The following SLC30A8 variants were observed in gnomAD, a reference collection of about 807,000 sequenced individuals.
The protein encoded by SLC30A8 is solute carrier family 30 member 8.
In SLC30A8, 27 loss-of-function variants were observed where a neutral mutation model predicts 36.9. The ratio of observed to expected loss-of-function variants is 0.73; its 90% CI spans 0.54 to 1.01. SLC30A8 has a LOEUF of 1.01. SLC30A8 is among the 50% of genes least tolerant of loss of function. The pLI is 0.00. For missense variants in SLC30A8, 439 were observed against 452.0 expected, an observed-to-expected ratio of 0.97 and a Z score of 0.26; for synonymous variants, 164 against 172.4, an observed-to-expected ratio of 0.95 and a Z score of 0.38.
At chr8:117,113,777 A>G (rs984616383) in intron 2 of SLC30A8, among the ~76,000 whole-genome samples, 1 of 152,074 alleles carries the variant, frequency 6.6e-6, no homozygotes, top group Non-Finnish European at 1.5e-5. Flanking sequence ...ACTTGGAAAA[A>G]CTTTGGGGTA....
chr8:117,015,838 A>G (rs1816499815), intron 1 of SLC30A8, among the ~76,000 whole-genome samples: 1 of 152,130 alleles, frequency 6.6e-6, no homozygotes, highest in African/African-American at 2.4e-5. Context: ...GTTATGCTTT[A>G]TTTCACTGGT....
intron 1 of SLC30A8, among the ~76,000 whole-genome samples, chr8:117,006,483 GACCCT>G (rs1484107240): frequency 1.3e-5 from 2 of 152,134 alleles, no homozygotes; most frequent in Non-Finnish European, 2.9e-5. Flanking sequence ...TTCCCCAGAA[GACCCT>G]TGTAGACTTT....
intron 1 of SLC30A8, among the ~76,000 whole-genome samples, chr8:117,143,107 C>T (rs1461271346): frequency 1.3e-5 from 2 of 151,282 alleles, no homozygotes; most frequent in Non-Finnish European, 2.9e-5. Context: ...TAAAAAAATA[C>T]AAATTTTACC....
At chr8:117,046,937 GA>G (rs1817571178) in intron 2 of SLC30A8, among the ~76,000 whole-genome samples, 1 of 152,176 alleles carries the variant, frequency 6.6e-6, no homozygotes, top group South Asian at 2.1e-4. Context: ...ATTCCAAAGA[GA>G]AGAATTTGAT....
chr8:117,069,618 T>C lies in SLC30A8; in HGVS notation c.-226+30360T>C, dbSNP rs928279451. ...AGTATTTTGAAGTTTTGAATCAAGT[T>C]AACAAACTTAAATACATTTTATTAT... On this transcript the variant is annotated intron_variant, in intron 2 of 10. Transcript: ENST00000427715. Among the ~76,000 whole-genome samples, 7 of 152,244 alleles carry C rather than the reference T, an allele frequency of 4.6e-5. 2 individuals carry two copies. In the South Asian group the frequency reaches 1.4e-3, roughly 31 times the overall value.
chr8:116,950,262 A>AAGGGCTGCG (rs1450394034), upstream of SLC30A8: 2 of 167,300 alleles, frequency 1.2e-5, no homozygotes, highest in Non-Finnish European at 2.5e-5. Context: ...GAGAGCGAGC[A>AAGGGCTGCG]AGGGCTGCGA....
intron 2 of SLC30A8, among the ~76,000 whole-genome samples, chr8:117,065,522 G>A (rs747737622): frequency 1.3e-5 from 2 of 152,114 alleles, no homozygotes; most frequent in Non-Finnish European, 2.9e-5. Flanking sequence ...AGCAGTAGGA[G>A]CATATAGCCA....
At chr8:117,160,633 A>G (rs773562833) in intron 4 of SLC30A8, among the ~76,000 whole-genome samples, 1 of 152,210 alleles carries the variant, frequency 6.6e-6, no homozygotes, top group Non-Finnish European at 1.5e-5. Context: ...AAAAGAATGA[A>G]TGACAACGTG....
intron 2 of SLC30A8, among the ~76,000 whole-genome samples, chr8:117,149,828 C>T (rs553273770): frequency 5.0e-4 from 76 of 152,164 alleles, no homozygotes; most frequent in African/African-American, 1.7e-3. Context: ...TTTTTCAGCC[C>T]GCTTATTTCA....
intron 1 of SLC30A8, among the ~76,000 whole-genome samples, chr8:116,953,801 G>T (rs565269559): frequency 2.2e-4 from 34 of 152,192 alleles, no homozygotes; most frequent in Admixed American, 1.4e-3. Context: ...TTTAATCAAA[G>T]ATGAAATCTG....
At chr8:117,084,102 T>C (rs764863149) in intron 2 of SLC30A8, among the ~76,000 whole-genome samples, 4 of 152,172 alleles carry the variant, frequency 2.6e-5, no homozygotes, top group Non-Finnish European at 2.9e-5. Flanking sequence ...TGGATCTATT[T>C]AATAGATGAG....
At chr8:117,154,503 T>C (rs2130989840) in intron 3 of SLC30A8, among the ~76,000 whole-genome samples, 1 of 152,334 alleles carries the variant, frequency 6.6e-6, no homozygotes, top group East Asian at 1.9e-4. Context: ...ACTGCGGCTT[T>C]TCAAGTTTAG....
chr8:116,977,234 C>T (rs567672488), intron 1 of SLC30A8, among the ~76,000 whole-genome samples: 32 of 145,728 alleles, frequency 2.2e-4, no homozygotes, highest in Middle Eastern at 3.6e-3. Flanking sequence ...CTGCAAGCTC[C>T]GCCTCCTGGG....
chr8:116,982,293 C>T (rs1815294149), intron 1 of SLC30A8, among the ~76,000 whole-genome samples: 2 of 151,844 alleles, frequency 1.3e-5, no homozygotes, highest in Non-Finnish European at 2.9e-5. Flanking sequence ...CTAACAATGC[C>T]ACTATGAATA....
chr8:116,976,282 A>C, intron 1 of SLC30A8, among the ~76,000 whole-genome samples: 1 of 146,250 alleles, frequency 6.8e-6, no homozygotes, highest in Non-Finnish European at 1.5e-5. Flanking sequence ...AAATGCTCCC[A>C]CCCATGACCT....
intron 1 of SLC30A8, among the ~76,000 whole-genome samples, chr8:117,141,661 C>T (rs768064850): frequency 3.3e-5 from 5 of 152,138 alleles, no homozygotes; most frequent in Non-Finnish European, 7.4e-5. Flanking sequence ...GCAGTGTACA[C>T]TGTACCAATG....
chr8:117,133,430 T>A (rs371318505), upstream of SLC30A8, among the ~76,000 whole-genome samples: 1 of 152,040 alleles, frequency 6.6e-6, no homozygotes, highest in East Asian at 1.9e-4. Flanking sequence ...TAAATAGATC[T>A]GTACATCCGT....
At chr8:117,136,849 CAT>C (rs774616657) in intron 1 of SLC30A8, among the ~76,000 whole-genome samples, 3 of 151,968 alleles carry the variant, frequency 2.0e-5, no homozygotes, top group Non-Finnish European at 4.4e-5. Context: ...TCATTCACCC[CAT>C]AAATAGGTAT....
At chr8:117,145,120 C>T (rs1377376192) in intron 1 of SLC30A8, among the ~76,000 whole-genome samples, 1 of 152,060 alleles carries the variant, frequency 6.6e-6, no homozygotes, top group East Asian at 1.9e-4. Context: ...CTGGAGACCT[C>T]GTCAAAAAGT....
Sources: gnomAD v4.1 joint callset for allele counts (sites outside exome capture counted in the v4.1 genomes callset) on GRCh38, gnomAD v4.1.1 for gene constraint, MANE v1.5 for transcripts, NCBI Gene and HGNC (gene_info 2026-07-23, HGNC 2026-07-21) for gene names.